ABCA1: variants seen among roughly 807,000 people sequenced by gnomAD.
ABCA1 encodes the protein ATP binding cassette subfamily A member 1.
In ABCA1, 133 loss-of-function variants were observed where a neutral mutation model predicts 262.5. The ratio of observed to expected loss-of-function variants is 0.51; its 90% CI spans 0.44 to 0.59. ABCA1 has a LOEUF of 0.59. Ranked by LOEUF, ABCA1 falls within the 20% of genes least tolerant of loss-of-function variation. ABCA1 has a pLI of 0.00. For missense variants in ABCA1, 2,452 were observed against 2,777.5 expected, an observed-to-expected ratio of 0.88 and a Z score of 2.63; for synonymous variants, 1,022 against 1,043.5, an observed-to-expected ratio of 0.98 and a Z score of 0.40.
Position 104,794,452 on chromosome 9 carries a change from CA to C in ABCA1, c.5440del (p.Cys1814AlafsTer10). The C allele has an allele frequency of 6.6e-7, 1 of 1,525,766 alleles. No individual in the cohort carries two copies. Among genetic ancestry groups the C allele is most frequent in the Non-Finnish European group, 8.8e-7 (1 of 1,131,996 alleles). The allele number at this position is 1,525,766 out of a possible 1,614,324, so 94.5% of individuals were successfully genotyped here. A position where few individuals can be genotyped will look rare whatever the true frequency, so the allele number is the denominator to read the frequency against. ...CATGTCGATGAGCCCTCGTCCCAGGCAAAAATGTGGGAAGATCAAGAACACG... is the reference window on the plus strand; with the variant it reads ...CATGTCGATGAGCCCTCGTCCCAGGCAAAATGTGGGAAGATCAAGAACACG... ...KSVFLIFPHF[C>X]LGRGLIDMVK... On this transcript the variant is annotated frameshift_variant, in exon 40 of 50. Coordinates refer to ENST00000374736, the MANE Select transcript of ABCA1 (RefSeq NM_005502.4). LOFTEE classifies it high-confidence loss of function.
At chr9:104,851,128 G>A (rs778599261) in intron 7 of ABCA1, among the ~76,000 whole-genome samples, 5 of 152,196 alleles carry the variant, frequency 3.3e-5, no homozygotes, top group Non-Finnish European at 7.3e-5. Context: ...GCCCCAGAAA[G>A]ATAAAGGCTG....
At chr9:104,894,065 T>C (rs1839997673) in intron 2 of ABCA1, among the ~76,000 whole-genome samples, 1 of 152,214 alleles carries the variant, frequency 6.6e-6, no homozygotes, top group Non-Finnish European at 1.5e-5. Context: ...CATAAGAAAC[T>C]GCACCAATGT....
chr9:104,822,160 T>G (rs754258341), intron 19 of ABCA1, among the ~76,000 whole-genome samples: 1 of 152,166 alleles, frequency 6.6e-6, no homozygotes, highest in Non-Finnish European at 1.5e-5. Context: ...TTCTCACATC[T>G]GCTTAGAGAC....
chr9:104,847,694 G>A (rs554605394), intron 7 of ABCA1, among the ~76,000 whole-genome samples: 192 of 152,224 alleles, frequency 1.3e-3, no homozygotes, highest in Admixed American at 3.3e-3. Flanking sequence ...GTCTCTAATT[G>A]TATAATTACT....
Position 104,786,501 on chromosome 9 carries a change from A to G in ABCA1, c.6309-111T>C. 3.1e-6 allele frequency: 3 copies of G among 961,054 alleles called. No individual in the cohort carries two copies. In the South Asian group the frequency reaches 3.9e-5, roughly 13 times the overall value. 59.5% of individuals were successfully genotyped at this position (961,054 alleles called of 1,614,324 possible). On this transcript the variant is annotated intron_variant, in intron 47 of 49. Coordinates refer to ENST00000374736, the MANE Select transcript of ABCA1 (RefSeq NM_005502.4). ...TCCTAGGGAATTGTATTCTGTTACA[A>G]GTACATGTGGATATAGGGATGATGC...
chr9:104,822,816 T>C, intron 18 of ABCA1, 149 bp from the exon 19 acceptor site: 1 of 834,396 alleles, frequency 1.2e-6, no homozygotes, highest in Non-Finnish European at 2.0e-6. Context: ...TATAAATGTT[T>C]ATTTAGGGCC....
chr9:104,798,976 A>T (rs779159158), intron 36 of ABCA1, among the ~76,000 whole-genome samples: 2 of 152,190 alleles, frequency 1.3e-5, no homozygotes, highest in African/African-American at 2.4e-5. Flanking sequence ...AAACTAAATG[A>T]GAGCAGAAAT....
At position 104,883,175 on chromosome 9, in the gene ABCA1, A is replaced by G; in HGVS notation, c.303-18T>C. The G allele has an allele frequency of 6.2e-7, 1 of 1,602,080 alleles. No individual in the cohort carries two copies. The highest frequency in any genetic ancestry group is 8.5e-7 in the Non-Finnish European group (1 of 1,169,624). The stretch of plus-strand genomic sequence containing the variant: ...GAGCCACACTGTAAAGGGTGCAAGA[A>G]AAGGCGAAAGGCTTTAGCTAGGCCA... On this transcript the variant is annotated intron_variant, in intron 4 of 49. Transcript: ENST00000374736.
rs1481567255 is a variant in ABCA1 at position 104,793,182 on chromosome 9, G to T, written c.5625C>A (p.Phe1875Leu). 3 of 1,613,998 alleles carry T rather than the reference G, an allele frequency of 1.9e-6. No individual in the cohort carries two copies. The African/African-American group carries it at 4.0e-5, about 22-fold the overall frequency. Reference sequence around the variant, plus strand: ...AAGAAAAAGCTCACCTGGGCCTGATGAAGAATCTGTACTGGATCAGAACAG... The same window carrying T: ...AAGAAAAAGCTCACCTGGGCCTGATTAAGAATCTGTACTGGATCAGAACAG... The part of the protein sequence containing the change: ...LITVLIQYRF[F>L]IRPRPVNAKL... Residue 1875 changes from phenylalanine (F) to leucine (L), a missense_variant, in exon 41 of 50, where the codon TTC (phenylalanine) becomes TTA (leucine). Transcript: ENST00000374736.
intron 1 of ABCA1, among the ~76,000 whole-genome samples, chr9:104,911,386 C>G (rs752627464): frequency 6.6e-6 from 1 of 152,158 alleles, no homozygotes; most frequent in African/African-American, 2.4e-5. Flanking sequence ...GTCTTTGGAT[C>G]GGTAGCCACG....
In ABCA1 at chr9:104,809,509, CT is replaced by C; in HGVS notation, c.4230del (p.Asp1411ThrfsTer90). ...ATACAGCGGGTCCCGAAGCCAGGGT[CT>C]TTGGTGAGGGCGTTTAAGAGTTCCA... Reference protein sequence around the residue: ...GTLELLNALTKDPGFGTRCME... With the variant: ...GTLELLNALTXDPGFGTRCME... On this transcript the variant is annotated frameshift_variant, in exon 30 of 50. Coordinates refer to ENST00000374736, the MANE Select transcript of ABCA1 (RefSeq NM_005502.4). LOFTEE classifies it high-confidence loss of function. 6.2e-7 allele frequency: 1 copy of C among 1,614,192 alleles called. No homozygotes were observed. The highest frequency in any genetic ancestry group is 8.5e-7 in the Non-Finnish European group (1 of 1,180,042).
intron 40 of ABCA1, among the ~76,000 whole-genome samples, chr9:104,793,547 C>T (rs959029745): frequency 2.0e-5 from 3 of 151,828 alleles, no homozygotes; most frequent in Non-Finnish European, 4.4e-5. Flanking sequence ...TGTAACTTCA[C>T]TGAAGATATC....
At chr9:104,834,714 G>A (rs57993463) in intron 11 of ABCA1, among the ~76,000 whole-genome samples, 3,035 of 140,028 alleles carry the variant, frequency 0.022, 199 homozygotes, top group African/African-American at 0.073. Flanking sequence ...CCGAGGATGG[G>A]TGGCTAAAAG....
chr9:104,906,749 TCA>T lies in ABCA1; in HGVS notation c.-92-2980_-92-2979del, dbSNP rs1491322281. Among the ~76,000 whole-genome samples, 435 of 67,942 alleles carry T rather than the reference TCA, an allele frequency of 6.4e-3. 2 individuals are homozygous for T. The highest frequency in any genetic ancestry group is 0.022 in the African/African-American group (404 of 18,106). The allele number at this position is 67,942 out of a possible 152,430, so 44.6% of individuals were successfully genotyped here. ...AAGTTAGTGAACAAACAAACCAAAA[TCA>T]AAAAAAAAAAAAAAAAAGATATAAA... On this transcript the variant is annotated intron_variant, in intron 1 of 49. Coordinates refer to ENST00000374736, the MANE Select transcript of ABCA1 (RefSeq NM_005502.4).
At chr9:104,823,064 G>GAAA (rs34239819) in intron 18 of ABCA1, among the ~76,000 whole-genome samples, 15 of 138,532 alleles carry the variant, frequency 1.1e-4, no homozygotes, top group Non-Finnish European at 2.2e-4. Flanking sequence ...ACTGCTGAGT[G>GAAA]AAAAAAAAAA....
intron 28 of ABCA1, among the ~76,000 whole-genome samples, chr9:104,811,834 G>T (rs1169561404): frequency 6.6e-6 from 1 of 152,180 alleles, no homozygotes; most frequent in Non-Finnish European, 1.5e-5. Flanking sequence ...AGACTAAGCA[G>T]CTTGCCCAAG....
At chr9:104,926,014 G>C (rs921454612) in intron 1 of ABCA1, among the ~76,000 whole-genome samples, 1 of 98,032 alleles carries the variant, frequency 1.0e-5, no homozygotes, top group African/African-American at 5.3e-5. Flanking sequence ...AACTACGGCC[G>C]TTAAAAAAAA....
chr9:104,850,582 C>T (rs1835294881), intron 7 of ABCA1, among the ~76,000 whole-genome samples: 1 of 152,232 alleles, frequency 6.6e-6, no homozygotes, highest in Admixed American at 6.5e-5. Flanking sequence ...TCAGATCTAA[C>T]AGACAGATAA....
intron 36 of ABCA1, chr9:104,799,435 C>CACACACACACACAA (rs1554703915): frequency 1.0e-6 from 1 of 974,428 alleles, no homozygotes; most frequent in African/African-American, 1.8e-5. Context: ...CACACACACA[C>CACACACACACACAA]AGCTTAATTT....
Sources: allele counts gnomAD v4.1 joint callset (sites outside exome capture counted in the v4.1 genomes callset), GRCh38; gene constraint gnomAD v4.1.1; transcripts MANE v1.5; gene names NCBI Gene and HGNC (gene_info 2026-07-23, HGNC 2026-07-21).